The following FAM135B variants were observed in gnomAD, a reference collection of about 807,000 sequenced individuals.
FAM135B encodes the protein protein FAM135B.
In FAM135B, 43 loss-of-function variants were observed where a neutral mutation model predicts 127.7. The ratio of observed to expected loss-of-function variants is 0.34; its 90% confidence interval spans 0.26 to 0.43. The LOEUF (loss-of-function observed/expected upper bound fraction) is 0.43, where lower values mean the gene tolerates loss of function less well. Among genes scored for constraint, FAM135B ranks in the 20% least tolerant of loss-of-function variants. The pLI, the probability that FAM135B is intolerant of heterozygous loss-of-function variation, is 1.00. For synonymous variants in FAM135B, 670 were observed against 665.1 expected (o/e 1.01, Z -0.11); for missense variants, 1,558 against 1,725.6 (o/e 0.90, Z 1.72).
chr8:138,403,202 G>A (rs987383380), intron 1 of FAM135B, among the ~76,000 whole-genome samples: 4 of 152,142 alleles, frequency 2.6e-5, no homozygotes, highest in Admixed American at 6.6e-5. Flanking sequence ...ATGATCCAAT[G>A]AGACAACTCC....
intron 3 of FAM135B, among the ~76,000 whole-genome samples, chr8:138,300,266 T>A (rs113772843): frequency 6.8e-6 from 1 of 148,022 alleles, no homozygotes; most frequent in Non-Finnish European, 1.5e-5. Context: ...TGGGAATAAT[T>A]AAAAAAAAAA....
At chr8:138,181,410 A>G (rs1461340018) in intron 9 of FAM135B, among the ~76,000 whole-genome samples, 1 of 152,074 alleles carries the variant, frequency 6.6e-6, no homozygotes, top group Non-Finnish European at 1.5e-5. Context: ...AACCTTATGC[A>G]TCAGCACGTG....
intron 1 of FAM135B, among the ~76,000 whole-genome samples, chr8:138,412,425 A>G (rs1833919326): frequency 6.6e-6 from 1 of 152,182 alleles, no homozygotes; most frequent in Non-Finnish European, 1.5e-5. Context: ...GTAATTTGTT[A>G]CACAGCAGAG....
intron 1 of FAM135B, among the ~76,000 whole-genome samples, chr8:138,419,877 T>G (rs1267895507): frequency 1.3e-5 from 2 of 151,976 alleles, no homozygotes; most frequent in African/African-American, 4.8e-5. Flanking sequence ...GCTAAACACC[T>G]ACATCAAGTT....
At chr8:138,478,409 A>G (rs531409519) in intron 1 of FAM135B, among the ~76,000 whole-genome samples, 8 of 152,162 alleles carry the variant, frequency 5.3e-5, no homozygotes, top group Non-Finnish European at 1.0e-4. Context: ...CCTCCTCTTT[A>G]AAGCCTTCCT....
At chr8:138,473,850 G>C (rs1351622352) in intron 1 of FAM135B, among the ~76,000 whole-genome samples, 2 of 151,942 alleles carry the variant, frequency 1.3e-5, no homozygotes, top group Non-Finnish European at 2.9e-5. Flanking sequence ...GAGAGAGAGA[G>C]AGACTTTTCA....
chr8:138,177,875 G>A (rs1404230113), intron 10 of FAM135B, among the ~76,000 whole-genome samples: 1 of 152,164 alleles, frequency 6.6e-6, no homozygotes, highest in Admixed American at 6.5e-5. Flanking sequence ...AGCATATTTA[G>A]TTATGCATCA....
In FAM135B at chr8:138,167,925, C is replaced by T. The variant is rs2130900030; in HGVS notation, c.1228G>A (p.Glu410Lys). 1 of 1,613,682 alleles carries T rather than the reference C, an allele frequency of 6.2e-7. No individual in the cohort carries two copies. Among genetic ancestry groups the T allele is most frequent in the Non-Finnish European group, 8.5e-7 (1 of 1,179,814 alleles). The change falls in exon 12 of 20, where the codon GAG becomes AAG. Residue 410 changes from glutamate to lysine, a missense_variant. This residue lies in a region of FAM135B where 115 missense variants were observed against 171.1 expected (regional missense o/e 0.67). Transcript: ENST00000395297. ...GDWNTLPVIF[E>K]DRYVDCPATG... ...GCAGGGCAGTCCACGTATCTGTCCTCAAAGATCACCGGCAGGGTGTTCCAA... is the reference window on the plus strand; with the variant it reads ...GCAGGGCAGTCCACGTATCTGTCCTTAAAGATCACCGGCAGGGTGTTCCAA...
At chr8:138,435,310 G>T (rs1185684907) in intron 1 of FAM135B, among the ~76,000 whole-genome samples, 2 of 151,226 alleles carry the variant, frequency 1.3e-5, no homozygotes, top group East Asian at 3.9e-4. Context: ...AAAATAAAAA[G>T]AAAAAGAAAA....
At position 138,132,763 on chromosome 8, in the gene FAM135B, C is replaced by A. The variant is rs374141412; in HGVS notation, c.4051G>T (p.Gly1351Cys). 1.9e-6 allele frequency: 3 copies of A among 1,614,100 alleles called. No homozygotes were observed. The highest frequency in any genetic ancestry group is 2.5e-6 in the Non-Finnish European group (3 of 1,180,022). The change falls in exon 20 of 20, where the codon GGC (glycine) becomes TGC (cysteine). Residue 1351 changes from glycine (G) to cysteine (C), a missense_variant. Gly to Cys is a radical substitution (Grantham distance 159). This residue lies in a region of FAM135B where 194 missense variants were observed against 333.8 expected (regional missense o/e 0.58). Transcript: ENST00000395297. The surrounding 1 kb of genome is among the most constrained non-coding windows in gnomAD (Gnocchi z 4.5). ...CAGTCCTTGGCTTCAACCAGAGGGC[C>A]CAGGAGGTTGTTGATCATTTCTGCA... ...VYAEMINNLL[G>C]PLVEAKDCTL...
chr8:138,135,715 T>G (rs528778996), intron 19 of FAM135B, among the ~76,000 whole-genome samples: 3 of 152,314 alleles, frequency 2.0e-5, no homozygotes, highest in East Asian at 3.9e-4. Context: ...ATTAAAAGTT[T>G]ACACATGCAA....
At chr8:138,330,192 C>T (rs2130989083) in intron 2 of FAM135B, among the ~76,000 whole-genome samples, 1 of 152,242 alleles carries the variant, frequency 6.6e-6, no homozygotes, top group Admixed American at 6.5e-5. Context: ...CTATCAATTG[C>T]CTTTTCTTAT....
intron 19 of FAM135B, among the ~76,000 whole-genome samples, chr8:138,135,126 A>G (rs746570648): frequency 1.3e-5 from 2 of 152,214 alleles, no homozygotes; most frequent in Non-Finnish European, 2.9e-5. Context: ...GGGTGTGGCT[A>G]TGTTTCAATA....
chr8:138,235,093 A>G (rs1586842720), intron 7 of FAM135B, among the ~76,000 whole-genome samples: 1 of 152,248 alleles, frequency 6.6e-6, no homozygotes. Flanking sequence ...CTTAAAAAGT[A>G]CTGTAGACCC....
intron 7 of FAM135B, among the ~76,000 whole-genome samples, chr8:138,219,369 C>T (rs1818845844): frequency 6.6e-6 from 1 of 152,140 alleles, no homozygotes; most frequent in African/African-American, 2.4e-5. Flanking sequence ...TAACTTCTAA[C>T]ATTGTTAAAC....
intron 7 of FAM135B, among the ~76,000 whole-genome samples, chr8:138,228,202 C>T (rs7017613): frequency 0.17 from 25,358 of 152,044 alleles, 2,390 homozygotes; most frequent in African/African-American, 0.23. Flanking sequence ...CCTTTTGGAC[C>T]ATTCCAAGAG....
chr8:138,369,088 A>C (rs971175613), intron 1 of FAM135B, among the ~76,000 whole-genome samples: 3 of 152,198 alleles, frequency 2.0e-5, no homozygotes, highest in Non-Finnish European at 4.4e-5. Flanking sequence ...CCATTCTCCA[A>C]GCCTGTTTAC....
chr8:138,266,621 ATATGTGT>A (rs1216761990), intron 3 of FAM135B, among the ~76,000 whole-genome samples: 42 of 148,832 alleles, frequency 2.8e-4, no homozygotes, highest in African/African-American at 9.8e-4. Flanking sequence ...ATATATGTAT[ATATGTGT>A]ATATATATAC....
chr8:138,197,169 C>A (rs4557747), intron 8 of FAM135B, among the ~76,000 whole-genome samples: 33,457 of 150,710 alleles, frequency 0.22, 4,341 homozygotes, highest in Admixed American at 0.33. Flanking sequence ...AGTTACAATT[C>A]CATAATTACA....
Sources: gnomAD v4.1 joint callset for allele counts (sites outside exome capture counted in the v4.1 genomes callset) on GRCh38, gnomAD v4.1.1 for gene constraint, gnomAD v4.1.1 regional missense constraint, Gnocchi (gnomAD v3.1) non-coding constraint, MANE v1.5 for transcripts, NCBI Gene and HGNC (gene_info 2026-07-23, HGNC 2026-07-21) for gene names.